Variants in NBAS observed in about 807,000 individuals in gnomAD.
NBAS encodes the protein NBAS subunit of NRZ tethering complex.
In NBAS, 219 loss-of-function variants were observed where a neutral mutation model predicts 302.5. The observed-to-expected ratio is 0.72, with a 90% CI of 0.65 to 0.81. NBAS has a LOEUF of 0.81. Ranked by LOEUF, NBAS falls within the 30% of genes least tolerant of loss-of-function variation. The pLI is 0.00. For missense variants in NBAS, 2,932 were observed against 2,841.6 expected, an observed-to-expected ratio of 1.03 and a Z score of -0.72; for synonymous variants, 1,118 against 1,021.6, an observed-to-expected ratio of 1.09 and a Z score of -1.80.
At chr2:15,009,736 T>C in the NBAS span, among the ~76,000 whole-genome samples, 1 of 143,454 alleles carries the variant, frequency 7.0e-6, no homozygotes, top group Non-Finnish European at 1.6e-5. Context: ...CATATGTATG[T>C]GTGTGCATGC....
the NBAS span, among the ~76,000 whole-genome samples, chr2:15,140,216 G>A: frequency 6.6e-6 from 1 of 152,236 alleles, no homozygotes. Flanking sequence ...ACAAGTGAGT[G>A]ACAAGCTTTC....
chr2:15,333,278 G>C (rs539739772), intron 35 of NBAS, among the ~76,000 whole-genome samples: 2 of 152,096 alleles, frequency 1.3e-5, no homozygotes, highest in Non-Finnish European at 2.9e-5. Context: ...CAAAATAGAG[G>C]AATCTTAAGT....
rs1675902044 is a variant in NBAS at position 15,397,137 on chromosome 2, T to G, written c.3072-662A>C. On this transcript the variant is annotated intron_variant, in intron 26 of 51. Transcript: ENST00000281513. ...AAAAGATCACAAACTAATAAAAATG[T>G]GCCTGGTAGGGAAGATTAAGTATGG... Among the ~76,000 whole-genome samples the G allele has an allele frequency of 2.0e-5, 3 of 152,294 alleles. No individual in the cohort carries two copies. In the South Asian group the frequency reaches 6.2e-4, roughly 32 times the overall value.
chr2:14,834,175 T>C, the NBAS span, among the ~76,000 whole-genome samples: 2 of 152,174 alleles, frequency 1.3e-5, no homozygotes, highest in Non-Finnish European at 2.9e-5. Flanking sequence ...TGGAAAATAA[T>C]AGCTCCCATC....
intron 40 of NBAS, among the ~76,000 whole-genome samples, chr2:15,298,336 C>A (rs1165430888): frequency 2.0e-5 from 3 of 152,014 alleles, no homozygotes; most frequent in South Asian, 4.1e-4. Context: ...CTGAGAAGAA[C>A]TTACAAAAAT....
At chr2:14,805,129 A>G in the NBAS span, among the ~76,000 whole-genome samples, 73 of 152,320 alleles carry the variant, frequency 4.8e-4, 1 homozygote, top group African/African-American at 9.1e-4. Context: ...GCAGCTGGGG[A>G]AGAACAGGTG....
chr2:15,091,549 T>C, the NBAS span, among the ~76,000 whole-genome samples: 1 of 152,094 alleles, frequency 6.6e-6, no homozygotes, highest in African/African-American at 2.4e-5. Context: ...CTTTTTTTTT[T>C]TGAGTTGGAG....
At chr2:14,897,804 G>A in the NBAS span, among the ~76,000 whole-genome samples, 3 of 152,128 alleles carry the variant, frequency 2.0e-5, no homozygotes, top group Non-Finnish European at 4.4e-5. Flanking sequence ...TTAAGAAGGC[G>A]GTGGTTAACA....
chr2:15,464,025 A>T (rs926931307), intron 19 of NBAS, among the ~76,000 whole-genome samples: 1 of 152,108 alleles, frequency 6.6e-6, no homozygotes, highest in Non-Finnish European at 1.5e-5. Context: ...AAAGACACAC[A>T]ACTGGCGCAT....
chr2:15,158,988 A>G, the NBAS span, among the ~76,000 whole-genome samples: 499 of 152,268 alleles, frequency 3.3e-3, 6 homozygotes, highest in African/African-American at 0.012. Flanking sequence ...TGTCAACAGG[A>G]CCCACATTTC....
intron 35 of NBAS, among the ~76,000 whole-genome samples, chr2:15,331,037 T>C (rs976013213): frequency 2.6e-5 from 4 of 152,188 alleles, no homozygotes; most frequent in Admixed American, 6.5e-5. Context: ...GAAGTACTTA[T>C]AAAGCAAATA....
chr2:15,485,677 T>C (rs919659278), intron 12 of NBAS, among the ~76,000 whole-genome samples: 1 of 152,216 alleles, frequency 6.6e-6, no homozygotes, highest in African/African-American at 2.4e-5. Flanking sequence ...GCTATACAAG[T>C]ATGCAATTAG....
At chr2:15,081,141 C>T in the NBAS span, among the ~76,000 whole-genome samples, 1 of 152,124 alleles carries the variant, frequency 6.6e-6, no homozygotes, top group Admixed American at 6.5e-5. Context: ...AAAGCAAAAA[C>T]CTTTTTCCTT....
the NBAS span, among the ~76,000 whole-genome samples, chr2:14,853,056 C>A: frequency 3.4e-5 from 5 of 146,412 alleles, no homozygotes; most frequent in African/African-American, 5.1e-5. Context: ...GCAACAAAAG[C>A]CAAAATTGAC....
At chr2:14,875,675 T>C in the NBAS span, among the ~76,000 whole-genome samples, 1 of 152,112 alleles carries the variant, frequency 6.6e-6, no homozygotes, top group Non-Finnish European at 1.5e-5. Context: ...AATATTAAAA[T>C]TAAAAATACA....
At chr2:15,178,667 G>A (rs1664667651) in intron 51 of NBAS, among the ~76,000 whole-genome samples, 1 of 152,224 alleles carries the variant, frequency 6.6e-6, no homozygotes, top group South Asian at 2.1e-4. Context: ...CAAGTAGCAA[G>A]AGGACTGCTA....
chr2:15,369,288 C>T (rs1572732307), intron 31 of NBAS, among the ~76,000 whole-genome samples: 1 of 152,034 alleles, frequency 6.6e-6, no homozygotes, highest in Admixed American at 6.6e-5. Context: ...TTACTTTTAC[C>T]ACTCTTTTTC....
At position 15,528,866 on chromosome 2, in the gene NBAS, C is replaced by CAAAAA. The variant is rs67437705; in HGVS notation, c.746+5672_746+5676dup. Reference sequence around the variant, plus strand: ...TGGGCAACAGAGTGAGACTCCATCTCAAAAAAAAAAAAATATATATATATA... The same window carrying CAAAAA: ...TGGGCAACAGAGTGAGACTCCATCTCAAAAAAAAAAAAAAAAAATATATATATATA... On this transcript the variant is annotated intron_variant, in intron 9 of 51. Transcript: ENST00000281513. Among the ~76,000 whole-genome samples the CAAAAA allele has an allele frequency of 5.9e-3, 526 of 88,540 alleles. 2 individuals carry two copies. The highest frequency in any genetic ancestry group is 0.025 in the East Asian group (89 of 3,530). The allele number at this position is 88,540 out of a possible 152,430, so 58.1% of individuals were successfully genotyped here. A position where few individuals can be genotyped will look rare whatever the true frequency, so the allele number is the denominator to read the frequency against.
intron 12 of NBAS, among the ~76,000 whole-genome samples, chr2:15,483,091 A>AT (rs1305299652): frequency 2.6e-5 from 4 of 152,124 alleles, no homozygotes; most frequent in Non-Finnish European, 5.9e-5. Context: ...TTATTTGCTA[A>AT]TTGTTTTTAC....
Sources: allele counts gnomAD v4.1 joint callset (sites outside exome capture counted in the v4.1 genomes callset), GRCh38; gene constraint gnomAD v4.1.1; transcripts MANE v1.5; gene names NCBI Gene and HGNC (gene_info 2026-07-23, HGNC 2026-07-21).